STK4: variants seen among roughly 807,000 people sequenced by gnomAD.
STK4 encodes serine/threonine kinase 4, also known as serine/threonine-protein kinase 4.
Under a neutral mutation model 64.9 loss-of-function variants are expected in STK4, and 30 were observed. The ratio of observed to expected loss-of-function variants is 0.46; its 90% CI spans 0.35 to 0.63. The LOEUF (loss-of-function observed/expected upper bound fraction) is 0.63, where lower values mean the gene tolerates loss of function less well. Ranked by LOEUF, STK4 falls within the 20% of genes least tolerant of loss-of-function variation. The pLI, the probability that STK4 is intolerant of heterozygous loss-of-function variation, is 0.01. For synonymous variants in STK4, 177 were observed against 199.0 expected, an observed-to-expected ratio of 0.89 and a Z score of 0.93; for missense variants, 466 against 598.5, an observed-to-expected ratio of 0.78 and a Z score of 2.31.
chr20:45,062,005 A>G (rs1979072099), intron 10 of STK4, among the ~76,000 whole-genome samples: 1 of 150,286 alleles, frequency 6.7e-6, no homozygotes, highest in Non-Finnish European at 1.5e-5. Flanking sequence ...TCAGCCTCCT[A>G]AGTAGCTGGG....
At chr20:45,066,598 G>T (rs1979597375) in intron 10 of STK4, among the ~76,000 whole-genome samples, 1 of 152,138 alleles carries the variant, frequency 6.6e-6, no homozygotes, top group Non-Finnish European at 1.5e-5. Flanking sequence ...TTTCATTCCA[G>T]TCTTCTTGGT....
At chr20:45,030,584 A>G (rs2068426506) in intron 10 of STK4, among the ~76,000 whole-genome samples, 1 of 152,198 alleles carries the variant, frequency 6.6e-6, no homozygotes, top group African/African-American at 2.4e-5. Flanking sequence ...ACAAAACTTC[A>G]TATTTTCATC....
chr20:45,065,974 A>T (rs199910401), intron 10 of STK4, among the ~76,000 whole-genome samples: 174 of 151,924 alleles, frequency 1.1e-3, no homozygotes, highest in Admixed American at 8.6e-3. Flanking sequence ...CCCTTATTTT[A>T]CTTAATAATG....
At chr20:44,969,753 G>A (rs923725883) in intron 1 of STK4, among the ~76,000 whole-genome samples, 3 of 152,172 alleles carry the variant, frequency 2.0e-5, no homozygotes, top group African/African-American at 7.2e-5. Flanking sequence ...ACCTGGGGAA[G>A]TCCCAGATAA....
At chr20:44,967,122 TA>T (rs2067163517) in intron 1 of STK4, 1 of 984,550 alleles carries the variant, frequency 1.0e-6, no homozygotes, top group Non-Finnish European at 1.2e-6. Flanking sequence ...GTTGAGGGTC[TA>T]GCAAGGGAGG....
chr20:44,971,185 T>TA (rs2067239543), intron 1 of STK4, among the ~76,000 whole-genome samples: 1 of 151,830 alleles, frequency 6.6e-6, no homozygotes, highest in Non-Finnish European at 1.5e-5. Context: ...CTCAGAGTTT[T>TA]AAAAAAATGT....
Position 44,997,224 on chromosome 20 carries a change from G to T in STK4, c.749G>T (p.Trp250Leu). ...PPPTFRKPEL[W>L]SDNFTDFVKQ... The stretch of plus-strand genomic sequence containing the variant: ...CCCACATTCCGAAAACCAGAGCTAT[G>T]GTCAGATAACTTTACAGATTTTGTG... The change falls in exon 7 of 11, where the codon TGG becomes TTG. Residue 250 changes from tryptophan to leucine, a missense_variant. This residue lies in a region of STK4 where 276 missense variants were observed against 308.9 expected (regional missense o/e 0.89). Coordinates refer to ENST00000372806, the MANE Select transcript of STK4 (RefSeq NM_006282.5). The T allele has an allele frequency of 6.2e-7, 1 of 1,613,992 alleles. No individual in the cohort carries two copies. Among genetic ancestry groups the T allele is most frequent in the South Asian group, 1.1e-5 (1 of 91,050 alleles).
chr20:45,014,217 G>T (rs1191559316), intron 9 of STK4, among the ~76,000 whole-genome samples: 1 of 152,030 alleles, frequency 6.6e-6, no homozygotes, highest in Non-Finnish European at 1.5e-5. Context: ...TTGAGGTCAG[G>T]AGTTCGAGAC....
chr20:45,032,276 T>TA (rs2068457810), intron 10 of STK4, among the ~76,000 whole-genome samples: 2 of 152,176 alleles, frequency 1.3e-5, no homozygotes, highest in Non-Finnish European at 2.9e-5. Flanking sequence ...TTCTTTTTTT[T>TA]ACCTTTATTT....
At chr20:45,011,590 A>T (rs951023742) in intron 9 of STK4, among the ~76,000 whole-genome samples, 8 of 151,592 alleles carry the variant, frequency 5.3e-5, no homozygotes, top group African/African-American at 1.9e-4. Flanking sequence ...GGTACCATGC[A>T]TATAGTTTTT....
At chr20:45,009,691 T>C (rs532170691) in intron 9 of STK4, among the ~76,000 whole-genome samples, 139 of 152,300 alleles carry the variant, frequency 9.1e-4, no homozygotes, top group African/African-American at 3.3e-3. Flanking sequence ...CATTTATTTG[T>C]GTTGTCTCTG....
At chr20:44,971,071 A>T (rs1271648464) in intron 1 of STK4, among the ~76,000 whole-genome samples, 3 of 128,978 alleles carry the variant, frequency 2.3e-5, no homozygotes, top group Admixed American at 8.5e-5. Context: ...TCAGGAAGCC[A>T]TTGTGTAGAC....
intron 1 of STK4, among the ~76,000 whole-genome samples, chr20:44,970,029 A>G (rs1428560305): frequency 6.6e-6 from 1 of 152,144 alleles, no homozygotes; most frequent in Non-Finnish European, 1.5e-5. Context: ...CAGAGATGTA[A>G]TAGCGCCTTA....
rs758533512 is a variant in STK4, at chr20:45,077,805, T to G, written c.*2629T>G. On this transcript the variant is annotated 3_prime_UTR_variant, in exon 11 of 11. Transcript: ENST00000372806. Reference sequence around the variant, plus strand: ...AAGTTCAGTTTTCCCCCATAACTATTCTTGGGTCATGAACTTTGATCTGGA... The same window carrying G: ...AAGTTCAGTTTTCCCCCATAACTATGCTTGGGTCATGAACTTTGATCTGGA... The G allele has an allele frequency of 6.6e-6, 1 of 152,200 alleles. No individual in the cohort carries two copies. The highest frequency in any genetic ancestry group is 1.5e-5 in the Non-Finnish European group (1 of 68,032). The allele number at this position is 152,200 out of a possible 1,614,324, so 9.4% of individuals were successfully genotyped here. A position where few individuals can be genotyped will look rare whatever the true frequency, so the allele number is the denominator to read the frequency against.
At chr20:45,002,831 C>T (rs1434310245) in intron 9 of STK4, among the ~76,000 whole-genome samples, 2 of 151,460 alleles carry the variant, frequency 1.3e-5, no homozygotes, top group Non-Finnish European at 2.9e-5. Flanking sequence ...AAAAAAGATT[C>T]TTAAGGTAAT....
Position 45,030,787 on chromosome 20 carries a change from T to C in STK4, c.1305+5657T>C, listed in dbSNP as rs186971735. Among the ~76,000 whole-genome samples, 546 of 152,318 alleles carry C rather than the reference T, an allele frequency of 3.6e-3. 3 individuals are homozygous for C. The highest frequency in any genetic ancestry group is 0.013 in the African/African-American group (527 of 41,564). On this transcript the variant is annotated intron_variant, in intron 10 of 10. Coordinates refer to ENST00000372806, the MANE Select transcript of STK4 (RefSeq NM_006282.5). ...ATCACTTTTTTGGAAAAAAATGTAA[T>C]ATTTTGTGAGAATTCAGACCTTCCC...
rs780774353 is a variant in STK4, at chr20:44,972,149, T to C, written c.107T>C (p.Leu36Pro). 2 of 1,613,750 alleles carry C rather than the reference T, an allele frequency of 1.2e-6. No homozygotes were observed. Among genetic ancestry groups the C allele is most frequent in the African/African-American group, 1.3e-5 (1 of 75,014 alleles). ...PEEVFDVLEK[L>P]GEGSYGSVYK... Reference sequence around the variant, plus strand: ...GAAGTATTTGATGTCTTAGAGAAACTTGGAGAAGGGTGAGTGTAAAGAAAC... The same window carrying C: ...GAAGTATTTGATGTCTTAGAGAAACCTGGAGAAGGGTGAGTGTAAAGAAAC... Residue 36 changes from leucine (L) to proline (P), a missense_variant, in exon 2 of 11, where the codon CTT becomes CCT. By Grantham distance (98) the Leu-to-Pro change is moderately conservative. This residue lies in a region of STK4 where 190 missense variants were observed against 289.7 expected (regional missense o/e 0.66). Transcript: ENST00000372806.
intron 9 of STK4, among the ~76,000 whole-genome samples, chr20:45,005,697 A>G (rs929873975): frequency 6.7e-6 from 1 of 150,254 alleles, no homozygotes; most frequent in Non-Finnish European, 1.5e-5. Context: ...ATCATTATTT[A>G]GAGTCAATAC....
At chr20:45,027,640 G>A (rs987622752) in intron 10 of STK4, among the ~76,000 whole-genome samples, 4 of 152,170 alleles carry the variant, frequency 2.6e-5, no homozygotes, top group African/African-American at 4.8e-5. Flanking sequence ...TAAATCTTCA[G>A]CCGTTTTGAA....
Sources: allele counts gnomAD v4.1 joint callset (sites outside exome capture counted in the v4.1 genomes callset), GRCh38; gene constraint gnomAD v4.1.1; regional missense constraint gnomAD v4.1.1; transcripts MANE v1.5; gene names NCBI Gene and HGNC (gene_info 2026-07-23, HGNC 2026-07-21).